The following SEC14L5 variants were observed in gnomAD, a reference collection of about 807,000 sequenced individuals.
The protein encoded by SEC14L5 is SEC14 like lipid binding 5.
SEC14L5 carries 96 observed loss-of-function variants against 84.6 expected under a neutral mutation model. The observed-to-expected ratio is 1.13, with a 90% CI of 0.96 to 1.34. The LOEUF (loss-of-function observed/expected upper bound fraction) is 1.34, where lower values mean the gene tolerates loss of function less well. Ranked by LOEUF, SEC14L5 falls within the 40% of genes most tolerant of loss-of-function variation. The pLI, the probability that SEC14L5 is intolerant of heterozygous loss-of-function variation, is 0.00. For missense variants in SEC14L5, 1,224 were observed against 942.5 expected, an observed-to-expected ratio of 1.30 and a Z score of -3.91; for synonymous variants, 546 against 383.4, an observed-to-expected ratio of 1.42 and a Z score of -4.95.
Position 5,015,020 on chromosome 16 carries a change from G to T in SEC14L5, c.*50G>T. 1 of 1,434,136 alleles carries T rather than the reference G, an allele frequency of 7.0e-7. No homozygotes were observed. Among genetic ancestry groups the T allele is most frequent in the South Asian group, 1.2e-5 (1 of 86,894 alleles). 88.8% of individuals were successfully genotyped at this position (1,434,136 alleles called of 1,614,324 possible). On this transcript the variant is annotated 3_prime_UTR_variant, in exon 16 of 16. Coordinates refer to ENST00000251170, the MANE Select transcript of SEC14L5 (RefSeq NM_014692.2). ...CCGCTCGCCTCCAGTGTCCAGAAAT[G>T]TCCAGAATGAGAAGCCAGCTAACTG...
In SEC14L5 at chr16:5,008,436, C is replaced by T; in HGVS notation, c.1588C>T (p.Leu530=). 1 of 1,612,912 alleles carries T rather than the reference C, an allele frequency of 6.2e-7. No homozygotes were observed. The highest frequency in any genetic ancestry group is 8.5e-7 in the Non-Finnish European group (1 of 1,179,484). Residue 530 remains leucine, a synonymous_variant, in exon 14 of 16, where the codon CTG becomes TTG. Transcript: ENST00000251170. The part of the protein sequence containing the change: ...GAPHEVAVEI[L]EGESVITWDF... ...CTCCACACAGGTGGCCGTGGAGATC[C>T]TGGAAGGAGAGTCGGTCATCACCTG...
intron 2 of SEC14L5, among the ~76,000 whole-genome samples, chr16:4,985,366 C>T (rs1440961852): frequency 6.6e-6 from 1 of 152,162 alleles, no homozygotes; most frequent in African/African-American, 2.4e-5. Flanking sequence ...GCTGGGATTA[C>T]AGGTGCATGC....
At chr16:4,993,217 T>G (rs951024346) in intron 6 of SEC14L5, among the ~76,000 whole-genome samples, 2 of 151,950 alleles carry the variant, frequency 1.3e-5, no homozygotes, top group African/African-American at 4.8e-5. Context: ...GATAATTTAT[T>G]TTTACTTTTA....
intron 2 of SEC14L5, among the ~76,000 whole-genome samples, chr16:4,973,844 A>G (rs968520518): frequency 2.0e-5 from 3 of 151,814 alleles, no homozygotes; most frequent in African/African-American, 7.2e-5. Flanking sequence ...CACCATGCCC[A>G]GCTAATGTTT....
chr16:4,966,055 A>C (rs1444678451), intron 2 of SEC14L5, among the ~76,000 whole-genome samples: 1 of 149,260 alleles, frequency 6.7e-6, no homozygotes, highest in Non-Finnish European at 1.5e-5. Flanking sequence ...AAATAAAATT[A>C]AAAAAAATGT....
intron 6 of SEC14L5, among the ~76,000 whole-genome samples, chr16:4,992,997 T>C (rs1313753526): frequency 2.0e-5 from 3 of 152,134 alleles, no homozygotes. Context: ...CTTCTTTTCA[T>C]ACTTCATAGT....
intron 2 of SEC14L5, among the ~76,000 whole-genome samples, chr16:4,963,576 C>T (rs111330394): frequency 0.044 from 6,631 of 152,278 alleles, 507 homozygotes; most frequent in African/African-American, 0.15. Context: ...GAACTCCTGA[C>T]CTCAAGTGTT....
rs1390812994 is a variant in SEC14L5, at chr16:5,014,860, G to A, written c.1981G>A (p.Gly661Ser). 2 of 1,613,130 alleles carry A rather than the reference G, an allele frequency of 1.2e-6. No individual in the cohort carries two copies. The highest frequency in any genetic ancestry group is 1.3e-5 in the African/African-American group (1 of 74,934). ...CEVLASEDFR[G>S]SMSSLESCTS... is the part of the protein sequence containing the mutation. ...GTGTGCCACGCCCTTCCTCCCCAGG[G>A]GCTCCATGTCCAGCCTGGAATCCTG... Residue 661 changes from glycine to serine, a missense_variant and splice_region_variant, in exon 16 of 16, where the codon GGC becomes AGC. By Grantham distance (56) the Gly-to-Ser change is moderately conservative. Transcript: ENST00000251170.
intron 13 of SEC14L5, among the ~76,000 whole-genome samples, chr16:5,008,187 A>G (rs1368664538): frequency 6.6e-6 from 1 of 151,938 alleles, no homozygotes; most frequent in East Asian, 1.9e-4. Context: ...AAGTGTTGGG[A>G]TTATAGGCAT....
intron 2 of SEC14L5, among the ~76,000 whole-genome samples, chr16:4,979,688 C>T (rs1056680573): frequency 2.0e-5 from 3 of 151,620 alleles, no homozygotes; most frequent in Admixed American, 6.6e-5. Context: ...ATTGATTGTC[C>T]CTGGAGAGCC....
intron 13 of SEC14L5, 79 bp from the exon 14 acceptor site, chr16:5,008,342 G>C (rs1955757198): frequency 9.6e-7 from 1 of 1,040,748 alleles, no homozygotes. Context: ...GGCACCCACA[G>C]CCCCTCCTGC....
intron 14 of SEC14L5, among the ~76,000 whole-genome samples, chr16:5,009,661 G>A (rs7188243): frequency 0.76 from 116,013 of 151,966 alleles, 45,055 homozygotes; most frequent in African/African-American, 0.9. Flanking sequence ...TCTATTTCCA[G>A]ATAAGGTCAC....
At chr16:5,011,339 C>A in intron 15 of SEC14L5, 66 bp downstream of exon 15, 1 of 1,490,318 alleles carries the variant, frequency 6.7e-7, no homozygotes, top group South Asian at 1.2e-5. Context: ...AATGCAGATG[C>A]CTGGCCTCCT....
rs558718635 is a variant in SEC14L5 at position 5,005,812 on chromosome 16, C to T, written c.1303-102C>T. The T allele has an allele frequency of 6.7e-6, 8 of 1,185,566 alleles. No homozygotes were observed. In the East Asian group the frequency reaches 1.6e-4, roughly 24 times the overall value. The allele number at this position is 1,185,566 out of a possible 1,614,324, so 73.4% of individuals were successfully genotyped here. On this transcript the variant is annotated intron_variant, in intron 11 of 15. Transcript: ENST00000251170. Reference sequence around the variant, plus strand: ...CCGGGAGGTGGAGCTTGCAGTGAGCCAAGATCATGCCACTGCACTCCAGCC... The same window carrying T: ...CCGGGAGGTGGAGCTTGCAGTGAGCTAAGATCATGCCACTGCACTCCAGCC...
chr16:5,001,901 C>T (rs1323251242), intron 10 of SEC14L5, among the ~76,000 whole-genome samples: 1 of 151,974 alleles, frequency 6.6e-6, no homozygotes, highest in African/African-American at 2.4e-5. Flanking sequence ...GCCTCCCAAG[C>T]AGCGGGGACT....
intron 2 of SEC14L5, among the ~76,000 whole-genome samples, chr16:4,982,120 C>G (rs774805770): frequency 6.6e-6 from 1 of 152,170 alleles, no homozygotes; most frequent in Non-Finnish European, 1.5e-5. Context: ...GCTCTGTCCT[C>G]CTGGCCCTGG....
chr16:5,003,720 C>T (rs1225801361), intron 11 of SEC14L5, 147 bp downstream of exon 11: 1 of 606,694 alleles, frequency 1.6e-6, no homozygotes, highest in South Asian at 2.2e-5. Context: ...AAAGCTCACA[C>T]TTTTTAAGTA....
intron 4 of SEC14L5, among the ~76,000 whole-genome samples, chr16:4,988,784 C>T (rs937254639): frequency 7.2e-5 from 11 of 152,368 alleles, no homozygotes; most frequent in African/African-American, 2.4e-4. Context: ...TAATTATTCT[C>T]TAGTATATAC....
At chr16:4,962,853 G>A (rs769547429) in intron 2 of SEC14L5, among the ~76,000 whole-genome samples, 8 of 152,146 alleles carry the variant, frequency 5.3e-5, no homozygotes, top group African/African-American at 2.4e-5. Context: ...CCACTTTGCC[G>A]ACTGTTTACA....
Sources: gnomAD v4.1 joint callset for allele counts (sites outside exome capture counted in the v4.1 genomes callset) on GRCh38, gnomAD v4.1.1 for gene constraint, MANE v1.5 for transcripts, NCBI Gene and HGNC (gene_info 2026-07-23, HGNC 2026-07-21) for gene names.